Variants in ADAP2 observed in about 807,000 individuals in gnomAD.
The protein encoded by ADAP2 is ArfGAP with dual PH domains 2.
A neutral mutation model predicts 54.9 loss-of-function variants in ADAP2; 42 were observed. That is an observed-to-expected ratio of 0.77 (90% confidence interval 0.60 to 0.99). ADAP2 has a LOEUF of 0.99. Ranked by LOEUF, ADAP2 falls within the 50% of genes least tolerant of loss-of-function variation. The pLI is 0.00. For synonymous variants in ADAP2, 177 were observed against 180.1 expected (o/e 0.98, Z 0.14); for missense variants, 429 against 480.4 (o/e 0.89, Z 1.00).
chr17:30,934,150 C>A (rs774415496), intron 4 of ADAP2, 35 bp from the exon 5 acceptor site: 2 of 1,545,148 alleles, frequency 1.3e-6, no homozygotes, highest in Non-Finnish European at 1.8e-6. Flanking sequence ...CTTAAGGTCA[C>A]GTGTGTTCAC....
At chr17:30,952,011 C>T (rs1332472277) in intron 7 of ADAP2, among the ~76,000 whole-genome samples, 1 of 152,162 alleles carries the variant, frequency 6.6e-6, no homozygotes, top group African/African-American at 2.4e-5. Flanking sequence ...CATAGCTGTT[C>T]CCCAGACCTC....
At chr17:30,943,652 G>C (rs1267517315) in intron 5 of ADAP2, among the ~76,000 whole-genome samples, 1 of 151,566 alleles carries the variant, frequency 6.6e-6, no homozygotes. Context: ...TTCAAGAACA[G>C]CCTGACCAAC....
chr17:30,954,753 C>T (rs1438710561), intron 9 of ADAP2, among the ~76,000 whole-genome samples, 198 bp downstream of exon 9: 3 of 152,206 alleles, frequency 2.0e-5, no homozygotes, highest in Admixed American at 2.0e-4. Context: ...TCCTCGCTTT[C>T]AGGAAGTCTA....
chr17:30,925,618 G>A (rs548125572), intron 2 of ADAP2, among the ~76,000 whole-genome samples: 7 of 141,902 alleles, frequency 4.9e-5, no homozygotes, highest in Admixed American at 3.7e-4. Flanking sequence ...TTGAGACGGA[G>A]TCTCACTCAC....
chr17:30,951,509 A>C (rs867123713), intron 7 of ADAP2, among the ~76,000 whole-genome samples: 1 of 151,586 alleles, frequency 6.6e-6, no homozygotes, highest in Non-Finnish European at 1.5e-5. Context: ...TTTTTTTTTA[A>C]TTTTTTATAG....
At chr17:30,937,946 G>A (rs1282946269) in intron 5 of ADAP2, among the ~76,000 whole-genome samples, 1 of 152,184 alleles carries the variant, frequency 6.6e-6, no homozygotes, top group Non-Finnish European at 1.5e-5. Flanking sequence ...AACCCAAGTG[G>A]CAGAAGTTGG....
intron 1 of ADAP2, 106 bp downstream of exon 1, chr17:30,922,214 C>T (rs1039292860): frequency 1.2e-6 from 1 of 830,066 alleles, no homozygotes; most frequent in Non-Finnish European, 1.6e-6. Flanking sequence ...CCCCTGGACC[C>T]AGACGTGGCA....
At chr17:30,927,385 G>T (rs1042833722) in intron 3 of ADAP2, among the ~76,000 whole-genome samples, 1 of 152,040 alleles carries the variant, frequency 6.6e-6, no homozygotes, top group East Asian at 1.9e-4. Context: ...AAGCCGAAGC[G>T]GGCAGATCAC....
chr17:30,929,189 A>G (rs1911299895), intron 3 of ADAP2, among the ~76,000 whole-genome samples: 2 of 152,230 alleles, frequency 1.3e-5, no homozygotes, highest in South Asian at 4.1e-4. Context: ...TCTGATTGTC[A>G]ACATCCTCAT....
chr17:30,949,373 G>A lies in ADAP2; in HGVS notation c.741+3G>A, dbSNP rs1265144310. ...TTCCTGAACTCCCAGAGTCTGAGGTGAGCTAAATGCGGACCCCAATTTCTG... is the reference window on the plus strand; with the variant it reads ...TTCCTGAACTCCCAGAGTCTGAGGTAAGCTAAATGCGGACCCCAATTTCTG... On this transcript the variant is annotated splice_donor_region_variant and intron_variant, in intron 7 of 10. Transcript: ENST00000330889. 4 of 1,613,644 alleles carry A rather than the reference G, an allele frequency of 2.5e-6. No homozygotes were observed. The highest frequency in any genetic ancestry group is 2.2e-5 in the South Asian group (2 of 91,066).
intron 5 of ADAP2, among the ~76,000 whole-genome samples, chr17:30,936,994 TCTCGG>T (rs1352377104): frequency 1.3e-5 from 2 of 152,278 alleles, no homozygotes; most frequent in Admixed American, 1.3e-4. Context: ...AGTGGCGTGA[TCTCGG>T]CTCACTGCAA....
chr17:30,954,438 T>C (rs371476409), intron 8 of ADAP2, 40 bp from the exon 9 acceptor site: 4 of 1,590,940 alleles, frequency 2.5e-6, no homozygotes, highest in Non-Finnish European at 2.6e-6. Context: ...CCTCAGAAAC[T>C]GACCTGGTCA....
At chr17:30,943,712 C>T (rs1191597948) in intron 5 of ADAP2, among the ~76,000 whole-genome samples, 10 of 151,622 alleles carry the variant, frequency 6.6e-5, no homozygotes, top group South Asian at 4.2e-4. Context: ...CCAGGCATGG[C>T]GGCACGTGTC....
At chr17:30,924,706 A>C (rs2142502724) in intron 2 of ADAP2, among the ~76,000 whole-genome samples, 1 of 152,220 alleles carries the variant, frequency 6.6e-6, no homozygotes, top group Non-Finnish European at 1.5e-5. Context: ...GACCTTACTA[A>C]GTGCTGGGTC....
chr17:30,922,539 G>A (rs1417833740), intron 1 of ADAP2, among the ~76,000 whole-genome samples: 1 of 152,052 alleles, frequency 6.6e-6, no homozygotes, highest in African/African-American at 2.4e-5. Context: ...CCAGGCCGCC[G>A]ACAGTCCTGT....
At chr17:30,943,474 C>T (rs572360306) in intron 5 of ADAP2, among the ~76,000 whole-genome samples, 4 of 152,090 alleles carry the variant, frequency 2.6e-5, no homozygotes, top group South Asian at 4.1e-4. Flanking sequence ...AACATGGAAT[C>T]GGCCCAGATG....
intron 5 of ADAP2, among the ~76,000 whole-genome samples, chr17:30,938,421 G>A (rs1740672228): frequency 6.6e-6 from 1 of 152,186 alleles, no homozygotes. Flanking sequence ...CATTCTGTTG[G>A]TCAAAGCAAG....
At position 30,945,171 on chromosome 17, in the gene ADAP2, G is replaced by A. The variant is rs1912575256; in HGVS notation, c.657+118G>A. The A allele has an allele frequency of 1.3e-5, 15 of 1,199,266 alleles. No individual in the cohort carries two copies. The South Asian group carries it at 2.3e-4, about 19-fold the overall frequency. The allele number at this position is 1,199,266 out of a possible 1,614,324, so 74.3% of individuals were successfully genotyped here. A position where few individuals can be genotyped will look rare whatever the true frequency, so the allele number is the denominator to read the frequency against. Reference sequence around the variant, plus strand: ...GCTCAGCTGCCTCTTGAGATTTTCTGCTACCATTTGCCTTAATCTATCATT... The same window carrying A: ...GCTCAGCTGCCTCTTGAGATTTTCTACTACCATTTGCCTTAATCTATCATT... On this transcript the variant is annotated intron_variant, in intron 6 of 10. Coordinates refer to ENST00000330889, the MANE Select transcript of ADAP2 (RefSeq NM_018404.3).
intron 5 of ADAP2, among the ~76,000 whole-genome samples, chr17:30,939,553 C>T (rs1309226337): frequency 1.3e-5 from 2 of 151,816 alleles, no homozygotes; most frequent in East Asian, 1.9e-4. Context: ...AGGCAGATCA[C>T]GAGGTCAGGA....
Sources: gnomAD v4.1 joint callset for allele counts (sites outside exome capture counted in the v4.1 genomes callset) on GRCh38, gnomAD v4.1.1 for gene constraint, MANE v1.5 for transcripts, NCBI Gene and HGNC (gene_info 2026-07-23, HGNC 2026-07-21) for gene names.